The following MAN1C1 variants were observed in gnomAD, a reference collection of about 807,000 sequenced individuals.
MAN1C1 encodes the protein mannosyl-oligosaccharide 1,2-alpha-mannosidase IC.
A neutral mutation model predicts 71.5 loss-of-function variants in MAN1C1; 49 were observed. That is an observed-to-expected ratio of 0.69 (90% CI 0.54 to 0.87). The LOEUF is 0.87. MAN1C1 is among the 40% of genes least tolerant of loss of function. The pLI is 0.00. For synonymous variants in MAN1C1, 352 were observed against 343.7 expected (o/e 1.02, Z -0.27); for missense variants, 743 against 835.0 (o/e 0.89, Z 1.36).
chr1:25,707,137 A>C (rs1284345891), intron 2 of MAN1C1, among the ~76,000 whole-genome samples: 1 of 152,246 alleles, frequency 6.6e-6, no homozygotes, highest in African/African-American at 2.4e-5. Flanking sequence ...TTGGGTCTTC[A>C]AATAAGTACA....
intron 1 of MAN1C1, among the ~76,000 whole-genome samples, chr1:25,684,127 ACCTCT>A (rs2124171360): frequency 6.7e-6 from 1 of 149,666 alleles, no homozygotes; most frequent in East Asian, 2.0e-4. Flanking sequence ...CCCCGCTTAG[ACCTCT>A]CCTCCTTTTC....
chr1:25,771,850 G>A (rs570960782), intron 8 of MAN1C1, 78 bp downstream of exon 8: 569 of 1,112,662 alleles, frequency 5.1e-4, no homozygotes, highest in Middle Eastern at 1.6e-3. Flanking sequence ...AGGGTGCTGC[G>A]GGCAGCGGGG....
intron 1 of MAN1C1, among the ~76,000 whole-genome samples, chr1:25,643,935 A>G (rs1336349149): frequency 6.6e-6 from 1 of 152,210 alleles, no homozygotes; most frequent in African/African-American, 2.4e-5. Flanking sequence ...TCCAAACCAG[A>G]CTTCATGAAA....
At chr1:25,659,350 G>C (rs1187983197) in intron 1 of MAN1C1, among the ~76,000 whole-genome samples, 3 of 152,246 alleles carry the variant, frequency 2.0e-5, no homozygotes, top group Non-Finnish European at 4.4e-5. Context: ...TGACCTCCAG[G>C]GAGCTGCTGC....
chr1:25,645,731 C>T (rs757921268), intron 1 of MAN1C1: 5 of 152,216 alleles, frequency 3.3e-5, no homozygotes, highest in African/African-American at 1.2e-4. Context: ...AACTGCCATC[C>T]ACTTATGTCT....
At chr1:25,707,100 A>G (rs571452997) in intron 2 of MAN1C1, among the ~76,000 whole-genome samples, 2 of 152,226 alleles carry the variant, frequency 1.3e-5, no homozygotes, top group Non-Finnish European at 2.9e-5. Context: ...TATTCATTCA[A>G]CTAATCACAT....
chr1:25,630,863 G>A (rs1196680696), intron 1 of MAN1C1, among the ~76,000 whole-genome samples: 1 of 152,222 alleles, frequency 6.6e-6, no homozygotes, highest in Non-Finnish European at 1.5e-5. Flanking sequence ...AACAGTGATA[G>A]TCTGACTTCC....
intron 10 of MAN1C1, 21 bp downstream of exon 10, chr1:25,781,133 G>A (rs1433342019): frequency 2.5e-6 from 4 of 1,611,972 alleles, no homozygotes; most frequent in Admixed American, 1.7e-5. Context: ...CCCAGGGATG[G>A]GCAGCAAGGT....
At chr1:25,773,445 C>T (rs1344145863) in intron 8 of MAN1C1, among the ~76,000 whole-genome samples, 1 of 152,210 alleles carries the variant, frequency 6.6e-6, no homozygotes, top group Non-Finnish European at 1.5e-5. Context: ...CCCTGCTCAG[C>T]TCCCTGGCAC....
chr1:25,726,793 C>T (rs900442751), intron 2 of MAN1C1, among the ~76,000 whole-genome samples: 3 of 151,654 alleles, frequency 2.0e-5, no homozygotes, highest in Admixed American at 6.6e-5. Context: ...TGATGGCTCA[C>T]GTCTGTAATC....
intron 7 of MAN1C1, among the ~76,000 whole-genome samples, chr1:25,771,418 G>T (rs765994608): frequency 3.3e-5 from 5 of 152,114 alleles, no homozygotes; most frequent in African/African-American, 4.8e-5. Flanking sequence ...AGCACCCGCC[G>T]GATGAGCCCG....
intron 3 of MAN1C1, among the ~76,000 whole-genome samples, chr1:25,748,912 G>A (rs2047174560): frequency 6.6e-6 from 1 of 152,182 alleles, no homozygotes; most frequent in Non-Finnish European, 1.5e-5. Context: ...TGGCCAGAGT[G>A]GGATTTACCT....
chr1:25,632,333 T>C (rs1265989597), intron 1 of MAN1C1, among the ~76,000 whole-genome samples: 1 of 152,230 alleles, frequency 6.6e-6, no homozygotes, highest in African/African-American at 2.4e-5. Flanking sequence ...TTTGTATTTC[T>C]GTGGTGTTGG....
chr1:25,757,925 G>C (rs1460829601), intron 5 of MAN1C1, among the ~76,000 whole-genome samples: 1 of 152,162 alleles, frequency 6.6e-6, no homozygotes, highest in Non-Finnish European at 1.5e-5. Context: ...TTGCAAAAGG[G>C]GCAGCTGTGA....
At chr1:25,742,005 G>A (rs994217335) in intron 2 of MAN1C1, among the ~76,000 whole-genome samples, 1 of 152,182 alleles carries the variant, frequency 6.6e-6, no homozygotes, top group African/African-American at 2.4e-5. Flanking sequence ...AGTCTAGTTA[G>A]GGAGGCAAAG....
At position 25,770,035 on chromosome 1, in the gene MAN1C1, C is replaced by T. The variant is rs552835135; in HGVS notation, c.1142-1622C>T. 4.6e-5 allele frequency among the ~76,000 whole-genome samples: 7 copies of T among 152,254 alleles called. No individual in the cohort carries two copies. The East Asian group carries it at 1.4e-3, about 30-fold the overall frequency. On this transcript the variant is annotated intron_variant, in intron 7 of 11. Transcript: ENST00000374332. ...CGTAGCTGCCGTGCCCATGACGGGG[C>T]TGGAGAAGGGCTCTGAGCAGAGGAC...
At position 25,731,613 on chromosome 1, in the gene MAN1C1, T is replaced by C. The variant is rs575226782; in HGVS notation, c.638-15055T>C. Among the ~76,000 whole-genome samples, 12 of 152,314 alleles carry C rather than the reference T, an allele frequency of 7.9e-5. No homozygotes were observed. In the South Asian group the frequency reaches 2.3e-3, roughly 29 times the overall value. Reference sequence around the variant, plus strand: ...AAAGTTTCTGCCCTACTCTGTCCTTTGTAGGAATCTGTCTCAGGCTCCTTC... The same window carrying C: ...AAAGTTTCTGCCCTACTCTGTCCTTCGTAGGAATCTGTCTCAGGCTCCTTC... On this transcript the variant is annotated intron_variant, in intron 2 of 11. Transcript: ENST00000374332.
At chr1:25,705,204 C>T (rs1452771727) in intron 2 of MAN1C1, among the ~76,000 whole-genome samples, 1 of 152,108 alleles carries the variant, frequency 6.6e-6, no homozygotes, top group Non-Finnish European at 1.5e-5. Flanking sequence ...GTTCCACTAC[C>T]GTGTATCCCT....
chr1:25,782,642 A>G lies in MAN1C1; in HGVS notation c.1708A>G (p.Ser570Gly), dbSNP rs755777875. The G allele has an allele frequency of 2.5e-6, 4 of 1,614,110 alleles. No homozygotes were observed. The highest frequency in any genetic ancestry group is 3.4e-6 in the Non-Finnish European group (4 of 1,180,006). The change falls in exon 11 of 12, where the codon AGT (serine) becomes GGT (glycine). Residue 570 changes from serine (S) to glycine (G), a missense_variant. By Grantham distance (56) the Ser-to-Gly change is moderately conservative (BLOSUM62 0). Coordinates refer to ENST00000374332, the MANE Select transcript of MAN1C1 (RefSeq NM_020379.4). The surrounding 1 kb of genome is among the most constrained non-coding windows in gnomAD (Gnocchi z 4.4). ...TTTCTCTGGGATCCAAGACGTGTAC[A>G]GTAGCACCCCCAACCACGACAACAA... ...AGFSGIQDVYSSTPNHDNKQQ... is the reference protein window; with the variant it reads ...AGFSGIQDVYGSTPNHDNKQQ...
Sources: allele counts gnomAD v4.1 joint callset (sites outside exome capture counted in the v4.1 genomes callset), GRCh38; gene constraint gnomAD v4.1.1; non-coding constraint Gnocchi (gnomAD v3.1); transcripts MANE v1.5; gene names NCBI Gene and HGNC (gene_info 2026-07-23, HGNC 2026-07-21).